The following PGR variants were observed in gnomAD, a reference collection of about 807,000 sequenced individuals.
The protein encoded by PGR is progesterone receptor.
PGR carries 25 observed loss-of-function variants against 76.1 expected under a neutral mutation model. The ratio of observed to expected loss-of-function variants is 0.33; its 90% CI spans 0.24 to 0.46. The LOEUF (loss-of-function observed/expected upper bound fraction) is 0.46, where lower values mean the gene tolerates loss of function less well. Among genes scored for constraint, PGR ranks in the 20% least tolerant of loss-of-function variants. The pLI, the probability that PGR is intolerant of heterozygous loss-of-function variation, is 1.00. For synonymous variants in PGR, 579 were observed against 535.0 expected, an observed-to-expected ratio of 1.08 and a Z score of -1.14; for missense variants, 1,172 against 1,225.3, an observed-to-expected ratio of 0.96 and a Z score of 0.65.
At chr11:101,070,160 C>T (rs966738330) in intron 3 of PGR, among the ~76,000 whole-genome samples, 2 of 152,150 alleles carry the variant, frequency 1.3e-5, no homozygotes, top group African/African-American at 4.8e-5. Context: ...ACAGTAGCTA[C>T]AGCCCATGGA....
At chr11:101,065,699 C>A (rs1317342370) in intron 3 of PGR, among the ~76,000 whole-genome samples, 1 of 152,082 alleles carries the variant, frequency 6.6e-6, no homozygotes, top group Non-Finnish European at 1.5e-5. Context: ...CACTCCCCTG[C>A]CCGCTGCATT....
At chr11:101,105,956 G>T (rs926401557) in intron 2 of PGR, among the ~76,000 whole-genome samples, 6 of 152,132 alleles carry the variant, frequency 3.9e-5, no homozygotes, top group African/African-American at 1.4e-4. Flanking sequence ...TGACAAACTT[G>T]ACTCAAACAA....
intron 4 of PGR, among the ~76,000 whole-genome samples, chr11:101,053,959 C>T (rs1056442178): frequency 2.0e-5 from 3 of 152,056 alleles, no homozygotes; most frequent in Non-Finnish European, 4.4e-5. Flanking sequence ...ATAGGTTTGG[C>T]CCATGGAACA....
chr11:101,110,135 C>G (rs1862298479), intron 2 of PGR, among the ~76,000 whole-genome samples: 4 of 152,168 alleles, frequency 2.6e-5, no homozygotes, highest in Admixed American at 6.6e-5. Context: ...GTATTCATGC[C>G]TGCTAACACA....
intron 2 of PGR, among the ~76,000 whole-genome samples, chr11:101,099,099 AT>A (rs1207176312): frequency 6.6e-6 from 1 of 152,256 alleles, no homozygotes; most frequent in African/African-American, 2.4e-5. Flanking sequence ...CATGCAAAAA[AT>A]AAAAGATTTG....
intron 4 of PGR, among the ~76,000 whole-genome samples, chr11:101,056,642 G>GAAAAAAAAAAAA (rs200810746): frequency 1.7e-5 from 2 of 120,958 alleles, no homozygotes; most frequent in Non-Finnish European, 1.7e-5. Context: ...CCTATCTCAA[G>GAAAAAAAAAAAA]AAAAAAAAAA....
intron 4 of PGR, among the ~76,000 whole-genome samples, chr11:101,057,462 G>A (rs1243685508): frequency 6.6e-6 from 1 of 152,124 alleles, no homozygotes; most frequent in Non-Finnish European, 1.5e-5. Flanking sequence ...AGGCCATGGA[G>A]TTTGGATGCT....
At chr11:101,110,242 T>C (rs897670493) in intron 2 of PGR, among the ~76,000 whole-genome samples, 4 of 152,222 alleles carry the variant, frequency 2.6e-5, no homozygotes, top group African/African-American at 9.6e-5. Flanking sequence ...TGCCATAGAT[T>C]GTAATTCCTC....
chr11:101,063,037 G>A, intron 3 of PGR: 1 of 298,612 alleles, frequency 3.3e-6, no homozygotes, highest in African/African-American at 2.2e-5. Context: ...TATTCTGCAG[G>A]GGTCATGGAG....
chr11:101,075,028 C>G (rs1398717847), intron 3 of PGR, among the ~76,000 whole-genome samples: 4 of 152,104 alleles, frequency 2.6e-5, no homozygotes, highest in African/African-American at 9.7e-5. Context: ...CAATCCTAAG[C>G]AAAAAGAACA....
At chr11:101,071,653 AAC>A (rs1860940842) in intron 3 of PGR, among the ~76,000 whole-genome samples, 1 of 151,904 alleles carries the variant, frequency 6.6e-6, no homozygotes, top group Admixed American at 6.6e-5. Flanking sequence ...GGAGCTGAAA[AAC>A]ACAGCACAAG....
At chr11:101,089,297 G>A (rs1008903657) in intron 3 of PGR, among the ~76,000 whole-genome samples, 10 of 152,114 alleles carry the variant, frequency 6.6e-5, no homozygotes, top group Non-Finnish European at 5.9e-5. Context: ...GTGGTACATC[G>A]AATATATATT....
chr11:101,051,496 C>A lies in PGR; in HGVS notation c.2285G>T (p.Gly762Val). 1 of 1,607,384 alleles carries A rather than the reference C, an allele frequency of 6.2e-7. No homozygotes were observed. Among genetic ancestry groups the A allele is most frequent in the East Asian group, 2.2e-5 (1 of 44,786 alleles). ...GTGTTTGTAGGATCTCCATCCTAGACCAAACACCATTAAGCTCATCCAAGA... is the reference window on the plus strand; with the variant it reads ...GTGTTTGTAGGATCTCCATCCTAGAACAAACACCATTAAGCTCATCCAAGA... ...QYSWMSLMVF[G>V]LGWRSYKHVS... is the part of the protein sequence containing the mutation. The change falls in exon 5 of 8, where the codon GGT (glycine) becomes GTT (valine). Residue 762 changes from glycine to valine, a missense_variant. Coordinates refer to ENST00000325455, the MANE Select transcript of PGR (RefSeq NM_000926.4).
intron 2 of PGR, among the ~76,000 whole-genome samples, chr11:101,120,817 G>C (rs1273710432): frequency 6.6e-6 from 1 of 152,098 alleles, no homozygotes; most frequent in African/African-American, 2.4e-5. Flanking sequence ...TGTGTTACTT[G>C]AGTAATTAAA....
At position 101,038,238 on chromosome 11, in the gene PGR, G is replaced by C. The variant is rs1054070782; in HGVS notation, c.*878C>G. On this transcript the variant is annotated 3_prime_UTR_variant, in exon 8 of 8. Coordinates refer to ENST00000325455, the MANE Select transcript of PGR (RefSeq NM_000926.4). ...AGATGTTAATAAGCTCTGACCCAAA[G>C]GAGCAATTGGCAGGAAAGATATTTT... 1 of 195,116 alleles carries C rather than the reference G, an allele frequency of 5.1e-6. No homozygotes were observed. The highest frequency in any genetic ancestry group is 2.3e-5 in the African/African-American group (1 of 43,258). The allele number at this position is 195,116 out of a possible 1,614,324, so 12.1% of individuals were successfully genotyped here.
rs755034863 is a variant in PGR, at chr11:101,038,093, A to T, written c.*1023T>A. 1.0e-5 allele frequency: 2 copies of T among 198,176 alleles called. No individual in the cohort carries two copies. Among genetic ancestry groups the T allele is most frequent in the Non-Finnish European group, 2.1e-5 (2 of 95,616 alleles). 12.3% of individuals were successfully genotyped at this position (198,176 alleles called of 1,614,324 possible). A position where few individuals can be genotyped will look rare whatever the true frequency, so the allele number is the denominator to read the frequency against. On this transcript the variant is annotated 3_prime_UTR_variant, in exon 8 of 8. Transcript: ENST00000325455. Reference sequence around the variant, plus strand: ...TTCTGGAAGAAATTTCATGGTAAAAAGATTTGCATGGCTGAAACATAATAT... The same window carrying T: ...TTCTGGAAGAAATTTCATGGTAAAATGATTTGCATGGCTGAAACATAATAT...
Position 101,127,698 on chromosome 11 carries a change from A to C in PGR, c.1373T>G (p.Leu458Arg). 6.3e-7 allele frequency: 1 copy of C among 1,582,904 alleles called. No homozygotes were observed. The highest frequency in any genetic ancestry group is 2.3e-5 in the East Asian group (1 of 44,128). Residue 458 changes from leucine (L) to arginine (R), a missense_variant, in exon 1 of 8, where the codon CTG becomes CGG. Leu to Arg is a moderately radical substitution (Grantham distance 102). Transcript: ENST00000325455. ...CTCCGCTTTGTACAGGATGCACTCC[A>C]GGGTCGACCCCGAGGAGGACGCAGA... ...VSSASSSGST[L>R]ECILYKAEGA...
intron 2 of PGR, among the ~76,000 whole-genome samples, chr11:101,114,181 T>C (rs1335940670): frequency 6.6e-6 from 1 of 152,220 alleles, no homozygotes; most frequent in Non-Finnish European, 1.5e-5. Flanking sequence ...GGGTTAGATC[T>C]TCCTGTCCTA....
chr11:101,054,939 A>AT (rs1317187448), intron 4 of PGR, among the ~76,000 whole-genome samples: 14 of 152,096 alleles, frequency 9.2e-5, no homozygotes, highest in Non-Finnish European at 1.6e-4. Flanking sequence ...ACACAATGCC[A>AT]TAAAAAAAAG....
Sources: gnomAD v4.1 joint callset for allele counts (sites outside exome capture counted in the v4.1 genomes callset) on GRCh38, gnomAD v4.1.1 for gene constraint, MANE v1.5 for transcripts, NCBI Gene and HGNC (gene_info 2026-07-23, HGNC 2026-07-21) for gene names.